The following SHROOM3 variants were observed in gnomAD, a reference collection of about 807,000 sequenced individuals.
The protein encoded by SHROOM3 is protein Shroom3.
Under a neutral mutation model 138.6 loss-of-function variants are expected in SHROOM3, and 47 were observed. That is an observed-to-expected ratio of 0.34 (90% CI 0.27 to 0.43). The LOEUF is 0.43. Ranked by LOEUF, SHROOM3 falls within the 20% of genes least tolerant of loss-of-function variation. SHROOM3 has a pLI of 1.00. For synonymous variants in SHROOM3, 1,062 were observed against 1,063.3 expected (o/e 1.00, Z 0.02); for missense variants, 2,491 against 2,596.5 (o/e 0.96, Z 0.88).
chr4:76,735,858 AAAAAAAAAAAATATATAT>A (rs1721037744), intron 4 of SHROOM3, among the ~76,000 whole-genome samples: 3 of 52,896 alleles, frequency 5.7e-5, no homozygotes, highest in Admixed American at 2.4e-4. Flanking sequence ...AAAAAAAAAA[AAAAAAAAAAAATATATAT>A]ATATATATAT....
chr4:76,560,076 G>A (rs965625901), intron 2 of SHROOM3, among the ~76,000 whole-genome samples: 21 of 152,198 alleles, frequency 1.4e-4, no homozygotes, highest in African/African-American at 4.6e-4. Context: ...TGGAATGCAA[G>A]GACAGTGCAA....
chr4:76,740,034 A>T lies in SHROOM3; in HGVS notation c.1861A>T (p.Arg621Trp). The change falls in exon 5 of 11, where the codon AGG becomes TGG. Residue 621 changes from arginine (R) to tryptophan (W), a missense_variant. Arg to Trp is a moderately radical substitution (Grantham distance 101). Around this residue, in one of 4 missense-constraint regions of SHROOM3, gnomAD observed 1,733 missense variants for 1,661.6 expected, o/e 1.04. Coordinates refer to ENST00000296043, the MANE Select transcript of SHROOM3 (RefSeq NM_020859.4). The surrounding 1 kb of genome is among the most constrained non-coding windows in gnomAD (Gnocchi z 4.0). ...WQAGEDKRSS[R>W]LSEPWEGDFQ... ...AGCGGGTGAAGACAAGAGATCTTCC[A>T]GGCTCTCAGAGCCCTGGGAGGGCGA... 6.2e-7 allele frequency: 1 copy of T among 1,613,916 alleles called. No individual in the cohort carries two copies. Among genetic ancestry groups the T allele is most frequent in the Non-Finnish European group, 8.5e-7 (1 of 1,180,036 alleles).
intron 1 of SHROOM3, among the ~76,000 whole-genome samples, chr4:76,475,912 G>A (rs1731476147): frequency 6.6e-6 from 1 of 152,212 alleles, no homozygotes; most frequent in Non-Finnish European, 1.5e-5. Context: ...AAAACACTCT[G>A]TAATTAATTC....
rs201996888 is a variant in SHROOM3 at position 76,778,786 on chromosome 4, AT to A, written c.5623-22del. 1.0e-3 allele frequency: 1,652 copies of A among 1,611,994 alleles called. 16 individuals carry two copies. The African/African-American group carries it at 0.02, about 20-fold the overall frequency. Reference sequence around the variant, plus strand: ...TTCTCCCTTTCCCTGGCCTTCATTGATCTGTCCAATTTTCCCTGGCAGAGCT... The same window carrying A: ...TTCTCCCTTTCCCTGGCCTTCATTGACTGTCCAATTTTCCCTGGCAGAGCT... On this transcript the variant is annotated intron_variant, in intron 10 of 10. Transcript: ENST00000296043.
chr4:76,500,456 C>A (rs1010169317), intron 1 of SHROOM3, among the ~76,000 whole-genome samples: 1 of 152,184 alleles, frequency 6.6e-6, no homozygotes. Flanking sequence ...GTTCCTTTAA[C>A]CCTGTCCCTG....
At chr4:76,677,285 C>T (rs897340696) in intron 2 of SHROOM3, among the ~76,000 whole-genome samples, 1 of 152,250 alleles carries the variant, frequency 6.6e-6, no homozygotes, top group South Asian at 2.1e-4. Flanking sequence ...AATAGTTTAA[C>T]CTACAGCACA....
rs372692440 is a variant in SHROOM3 at position 76,741,299 on chromosome 4, G to A, written c.3126G>A (p.Pro1042=). The A allele has an allele frequency of 1.2e-5, 20 of 1,612,034 alleles. No individual in the cohort carries two copies. Among genetic ancestry groups the A allele is most frequent in the Non-Finnish European group, 1.4e-5 (17 of 1,179,666 alleles). The change falls in exon 5 of 11, where the codon CCG becomes CCA. Residue 1042 remains proline (P), a synonymous_variant. Transcript: ENST00000296043. This position sits in a 1 kb window ranked among gnomAD's most constrained non-coding sequence, Gnocchi z 6.2. ...VEEAEPAPLG[P]QRNGMRFPES... ...AGGCCGAACCGGCACCCCTGGGCCCGCAGAGAAATGGGATGCGTTTCCCGG... is the reference window on the plus strand; with the variant it reads ...AGGCCGAACCGGCACCCCTGGGCCCACAGAGAAATGGGATGCGTTTCCCGG...
rs1211621718 is a variant in SHROOM3, at chr4:76,472,659, G to A, written c.168+36439G>A. Among the ~76,000 whole-genome samples, 5 of 151,592 alleles carry A rather than the reference G, an allele frequency of 3.3e-5. No individual in the cohort carries two copies. In the East Asian group the frequency reaches 5.8e-4, roughly 18 times the overall value. On this transcript the variant is annotated intron_variant, in intron 1 of 10. Transcript: ENST00000296043. ...TATCTCAGTTTAAAAAAATTATATG[G>A]GATATTCCTGAATAAACCTTGGGGA...
intron 1 of SHROOM3, among the ~76,000 whole-genome samples, chr4:76,440,781 T>C (rs1018721853): frequency 2.0e-5 from 3 of 152,194 alleles, no homozygotes; most frequent in Non-Finnish European, 4.4e-5. Flanking sequence ...AGTGCTTATA[T>C]TTCTGATTTC....
chr4:76,551,362 T>G (rs1465396740), intron 1 of SHROOM3, among the ~76,000 whole-genome samples: 1 of 152,184 alleles, frequency 6.6e-6, no homozygotes, highest in Non-Finnish European at 1.5e-5. Flanking sequence ...TTTCTTGACT[T>G]CCTTTTTTAA....
intron 2 of SHROOM3, among the ~76,000 whole-genome samples, chr4:76,685,445 C>T (rs997963665): frequency 6.6e-6 from 1 of 152,082 alleles, no homozygotes; most frequent in Non-Finnish European, 1.5e-5. Flanking sequence ...GGACCACATT[C>T]AAAGCTATCC....
In SHROOM3 at chr4:76,739,974, C is replaced by T. The variant is rs140229037; in HGVS notation, c.1801C>T (p.His601Tyr). 3.5e-4 allele frequency: 572 copies of T among 1,614,042 alleles called. No homozygotes were observed. Among genetic ancestry groups the T allele is most frequent in the Middle Eastern group, 4.9e-4 (3 of 6,084 alleles). ...THSNKPSSHP[H>Y]SLKCPQAQAW... is the part of the protein sequence containing the mutation. ...CAGTAACAAACCATCTTCTCATCCCCACAGCCTCAAATGCCCTCAGGCTCA... is the reference window on the plus strand; with the variant it reads ...CAGTAACAAACCATCTTCTCATCCCTACAGCCTCAAATGCCCTCAGGCTCA... The change falls in exon 5 of 11, where the codon CAC (histidine) becomes TAC (tyrosine). Residue 601 changes from histidine to tyrosine, a missense_variant. By Grantham distance (83) the His-to-Tyr change is moderately conservative. This residue lies in a region of SHROOM3 where 1,733 missense variants were observed against 1,661.6 expected (regional missense o/e 1.04). Coordinates refer to ENST00000296043, the MANE Select transcript of SHROOM3 (RefSeq NM_020859.4).
Position 76,756,507 on chromosome 4 carries a change from C to T in SHROOM3, c.4768C>T (p.His1590Tyr). The T allele has an allele frequency of 1.9e-6, 3 of 1,613,666 alleles. No homozygotes were observed. Among genetic ancestry groups the T allele is most frequent in the Non-Finnish European group, 2.5e-6 (3 of 1,179,964 alleles). The change falls in exon 8 of 11, where the codon CAT (histidine) becomes TAT (tyrosine). Residue 1590 changes from histidine (H) to tyrosine (Y), a missense_variant. This residue lies in a region of SHROOM3 where 470 missense variants were observed against 595.0 expected (regional missense o/e 0.79). Transcript: ENST00000296043. Reference protein sequence around the residue: ...ARERHMPGAAHVVGSQTLASR... With the variant: ...ARERHMPGAAYVVGSQTLASR... ...GGAAAGGCACATGCCTGGTGCAGCC[C>T]ATGTGGTAGGTAGTCAGACACTGGC...
Position 76,741,581 on chromosome 4 carries a change from C to T in SHROOM3, c.3408C>T (p.Ala1136=). The change falls in exon 5 of 11, where the codon GCC becomes GCT. Residue 1136 remains alanine, a synonymous_variant. Transcript: ENST00000296043. This position sits in a 1 kb window ranked among gnomAD's most constrained non-coding sequence, Gnocchi z 6.2. ...TCGAAGGCTCCGGCCTCGCCTCGGC[C>T]TCCAGCTTGAGCTCACTGCGGGAGC... The part of the protein sequence containing the change: ...AALEGSGLAS[A]SSLSSLREPS... 6.5e-7 allele frequency: 1 copy of T among 1,542,386 alleles called. No homozygotes were observed. Among genetic ancestry groups the T allele is most frequent in the South Asian group, 1.2e-5 (1 of 84,316 alleles).
chr4:76,673,927 C>T (rs1718954326), intron 2 of SHROOM3, among the ~76,000 whole-genome samples: 1 of 152,188 alleles, frequency 6.6e-6, no homozygotes, highest in African/African-American at 2.4e-5. Flanking sequence ...AGCTAGACTG[C>T]AGTGGCGCAA....
chr4:76,523,626 T>A (rs1326182962), intron 1 of SHROOM3, among the ~76,000 whole-genome samples: 2 of 152,196 alleles, frequency 1.3e-5, no homozygotes, highest in Non-Finnish European at 2.9e-5. Context: ...CTTCAGGCTA[T>A]GTCGAAGTTA....
At chr4:76,595,269 T>C (rs1228616049) in intron 2 of SHROOM3, among the ~76,000 whole-genome samples, 1 of 152,214 alleles carries the variant, frequency 6.6e-6, no homozygotes, top group African/African-American at 2.4e-5. Context: ...TCTTTTTGGA[T>C]TACATAGTTG....
At chr4:76,751,398 A>T (rs1341813602) in intron 6 of SHROOM3, among the ~76,000 whole-genome samples, 4 of 152,182 alleles carry the variant, frequency 2.6e-5, no homozygotes, top group African/African-American at 9.7e-5. Context: ...AGTGCTTTTT[A>T]AAAAACATAA....
chr4:76,726,239 CCTT>C (rs145796088), intron 3 of SHROOM3, among the ~76,000 whole-genome samples: 11,022 of 152,116 alleles, frequency 0.072, 498 homozygotes, highest in Non-Finnish European at 0.1. Flanking sequence ...TTTTCCTCCT[CCTT>C]CTGTGGAAGC....
Sources: gnomAD v4.1 joint callset for allele counts (sites outside exome capture counted in the v4.1 genomes callset) on GRCh38, gnomAD v4.1.1 for gene constraint, gnomAD v4.1.1 regional missense constraint, Gnocchi (gnomAD v3.1) non-coding constraint, MANE v1.5 for transcripts, NCBI Gene and HGNC (gene_info 2026-07-23, HGNC 2026-07-21) for gene names.